KDM5A: variants seen among roughly 807,000 people sequenced by gnomAD.
The protein encoded by KDM5A is lysine-specific demethylase 5A.
A neutral mutation model predicts 193.5 loss-of-function variants in KDM5A; 42 were observed. The observed-to-expected ratio is 0.22, with a 90% CI of 0.17 to 0.28. The LOEUF (loss-of-function observed/expected upper bound fraction) is 0.28. Among genes scored for constraint, KDM5A ranks in the 10% least tolerant of loss-of-function variants. KDM5A has a pLI of 1.00. For missense variants in KDM5A, 1,692 were observed against 2,055.1 expected (o/e 0.82, Z 3.42); for synonymous variants, 796 against 718.1 (o/e 1.11, Z -1.73).
chr12:311,312 C>G, intron 20 of KDM5A: 1 of 493,082 alleles, frequency 2.0e-6, no homozygotes, highest in Non-Finnish European at 3.7e-6. Flanking sequence ...GATATAACAA[C>G]CAGTTCAAAG....
intron 24 of KDM5A, among the ~76,000 whole-genome samples, chr12:303,555 T>G (rs576012579): frequency 1.3e-5 from 2 of 152,248 alleles, no homozygotes; most frequent in East Asian, 3.9e-4. Flanking sequence ...GAGAAATACC[T>G]AATGTGGTTG....
chr12:361,205 T>C (rs757901817), intron 5 of KDM5A, among the ~76,000 whole-genome samples: 1 of 152,074 alleles, frequency 6.6e-6, no homozygotes, highest in African/African-American at 2.4e-5. Context: ...TCCATTTTTT[T>C]TTTTCTGGAG....
chr12:318,991 C>T (rs778389051), intron 18 of KDM5A, among the ~76,000 whole-genome samples: 9 of 152,060 alleles, frequency 5.9e-5, no homozygotes, highest in Non-Finnish European at 1.2e-4. Flanking sequence ...AAGAACGGTT[C>T]GGGCAGGGCA....
At chr12:326,112 G>GT (rs372760013) in intron 14 of KDM5A, among the ~76,000 whole-genome samples, 1 of 152,200 alleles carries the variant, frequency 6.6e-6, no homozygotes, top group African/African-American at 2.4e-5. Flanking sequence ...AAGAAAAGTG[G>GT]TTTGTGAAGG....
chr12:327,527 T>C (rs943967730), intron 14 of KDM5A, among the ~76,000 whole-genome samples: 4 of 149,894 alleles, frequency 2.7e-5, no homozygotes, highest in Admixed American at 6.6e-5. Context: ...CTAGCCAACA[T>C]AGTAAAACCC....
rs779919288 is a variant in KDM5A, at chr12:354,078, C to T, written c.1027G>A (p.Glu343Lys). 8.1e-6 allele frequency: 13 copies of T among 1,613,118 alleles called. No homozygotes were observed. The highest frequency in any genetic ancestry group is 2.2e-5 in the South Asian group (2 of 91,062). The change falls in exon 8 of 28, where the codon GAG (glutamate) becomes AAG (lysine). Residue 343 changes from glutamate to lysine, a missense_variant and splice_region_variant. By Grantham distance (56) the Glu-to-Lys change is moderately conservative (BLOSUM62 1). Around this residue, in one of 11 missense-constraint regions of KDM5A, gnomAD observed 62 missense variants for 107.1 expected, o/e 0.58. Coordinates refer to ENST00000399788, the MANE Select transcript of KDM5A (RefSeq NM_001042603.3). ...GDWRCPKCVA[E>K]ECSKPREAFG... Reference sequence around the variant, plus strand: ...ATCCATAGAGGTTAGACGTGTACCTCGGCGACACATTTAGGACACCTCCAG... The same window carrying T: ...ATCCATAGAGGTTAGACGTGTACCTTGGCGACACATTTAGGACACCTCCAG...
chr12:285,412 A>G lies in KDM5A; in HGVS notation c.*44T>C, dbSNP rs1302616105. 8.5e-6 allele frequency: 13 copies of G among 1,523,198 alleles called. No individual in the cohort carries two copies. Among genetic ancestry groups the G allele is most frequent in the Middle Eastern group, 1.7e-4 (1 of 5,850 alleles). 94.4% of individuals were successfully genotyped at this position (1,523,198 alleles called of 1,614,324 possible). The stretch of plus-strand genomic sequence containing the variant: ...ACTCTACTTGATGACTAAGGTCTCA[A>G]TGTGGTCCATGTCCCCCCATGTCCC... On this transcript the variant is annotated 3_prime_UTR_variant, in exon 28 of 28. Transcript: ENST00000399788.
intron 3 of KDM5A, among the ~76,000 whole-genome samples, chr12:379,297 C>T (rs747064684): frequency 6.6e-6 from 1 of 152,120 alleles, no homozygotes; most frequent in Non-Finnish European, 1.5e-5. Flanking sequence ...TCAGCCCAAG[C>T]CTCTTGCTAG....
chr12:294,721 A>T (rs1565524054), intron 26 of KDM5A, among the ~76,000 whole-genome samples: 1 of 152,228 alleles, frequency 6.6e-6, no homozygotes, highest in Non-Finnish European at 1.5e-5. Flanking sequence ...TACTCATGAA[A>T]ATGAATGAAA....
At chr12:310,247 T>C (rs894766475) in intron 21 of KDM5A, among the ~76,000 whole-genome samples, 26 of 152,280 alleles carry the variant, frequency 1.7e-4, no homozygotes, top group Middle Eastern at 6.8e-3. Flanking sequence ...AGGATCTCAT[T>C]CCAAAGCCTT....
chr12:352,356 C>G (rs767055407), intron 8 of KDM5A, 32 bp from the exon 9 acceptor site: 2 of 1,602,450 alleles, frequency 1.2e-6, no homozygotes, highest in Non-Finnish European at 1.7e-6. Context: ...GATTAACTTA[C>G]TGAAACTAAA....
rs145524467 is a variant in KDM5A at position 365,993 on chromosome 12, A to C, written c.478T>G (p.Ser160Ala). 2 of 1,614,008 alleles carry C rather than the reference A, an allele frequency of 1.2e-6. No homozygotes were observed. The highest frequency in any genetic ancestry group is 2.7e-5 in the African/African-American group (2 of 75,044). The change falls in exon 4 of 28, where the codon TCA becomes GCA. Residue 160 changes from serine to alanine, a missense_variant. Ser to Ala is a moderately conservative substitution (Grantham distance 99). Around this residue, in one of 11 missense-constraint regions of KDM5A, gnomAD observed 120 missense variants for 172.0 expected, o/e 0.70. Transcript: ENST00000399788. The part of the protein sequence containing the change: ...PGKGTGSLLK[S>A]HYERILYPYE... The stretch of plus-strand genomic sequence containing the variant: ...GGGTAGAGAATTCTTTCATAATGTG[A>C]CTTCAAAAGAGACCCAGTTCCTTTT...
intron 3 of KDM5A, among the ~76,000 whole-genome samples, chr12:367,098 T>G (rs571673098): frequency 6.6e-6 from 1 of 152,332 alleles, no homozygotes; most frequent in South Asian, 2.1e-4. Flanking sequence ...TGCACAATAA[T>G]GAAATCCTCA....
chr12:344,360 G>A (rs1944043872), intron 10 of KDM5A, among the ~76,000 whole-genome samples: 2 of 152,188 alleles, frequency 1.3e-5, no homozygotes, highest in African/African-American at 4.8e-5. Context: ...TTATCCAGGA[G>A]AACTTCCCCA....
Position 389,225 on chromosome 12 carries a change from G to T in KDM5A, c.-134C>A. On this transcript the variant is annotated 5_prime_UTR_variant, in exon 1 of 28. In the 5' UTR this introduces an upstream ATG that the reference lacks. Coordinates refer to ENST00000399788, the MANE Select transcript of KDM5A (RefSeq NM_001042603.3). ...TCGCGGACAAGAACCGTTCAACACA[G>T]AAACCCCAGAATCGCTTCCTCCTCC... 1 of 857,026 alleles carries T rather than the reference G, an allele frequency of 1.2e-6. No individual in the cohort carries two copies. 53.1% of individuals were successfully genotyped at this position (857,026 alleles called of 1,614,324 possible).
rs759810566 is a variant in KDM5A at position 384,046 on chromosome 12, C to A, written c.351G>T (p.Leu117=). The A allele has an allele frequency of 6.2e-7, 1 of 1,613,970 alleles. No individual in the cohort carries two copies. The highest frequency in any genetic ancestry group is 8.5e-7 in the Non-Finnish European group (1 of 1,179,858). The change falls in exon 3 of 28, where the codon CTG becomes CTT. Residue 117 remains leucine, a synonymous_variant. Transcript: ENST00000399788. ...TGAGCCTCACCTTGCTCAAAGCATACAGATCCAGGATTTTTCTCTCTACCA... is the reference window on the plus strand; with the variant it reads ...TGAGCCTCACCTTGCTCAAAGCATAAAGATCCAGGATTTTTCTCTCTACCA... The part of the protein sequence containing the change: ...IPVVERKILD[L]YALSKIVASK...
intron 24 of KDM5A, among the ~76,000 whole-genome samples, chr12:301,576 T>C (rs1943441555): frequency 6.6e-6 from 1 of 152,232 alleles, no homozygotes; most frequent in Non-Finnish European, 1.5e-5. Flanking sequence ...AATATCATAC[T>C]GAATGGGTAA....
intron 27 of KDM5A, among the ~76,000 whole-genome samples, chr12:287,959 A>G (rs1591894195): frequency 6.6e-6 from 1 of 152,318 alleles, no homozygotes; most frequent in East Asian, 1.9e-4. Flanking sequence ...TCCCTTCCTA[A>G]GCCCAGATCT....
intron 3 of KDM5A, among the ~76,000 whole-genome samples, chr12:381,131 A>G (rs1272215443): frequency 6.6e-6 from 1 of 152,090 alleles, no homozygotes; most frequent in African/African-American, 2.4e-5. Context: ...AGTAGCTGAG[A>G]TTACAGGCAT....
Sources: gnomAD v4.1 joint callset for allele counts (sites outside exome capture counted in the v4.1 genomes callset) on GRCh38, gnomAD v4.1.1 for gene constraint, gnomAD v4.1.1 regional missense constraint, MANE v1.5 for transcripts, NCBI Gene and HGNC (gene_info 2026-07-23, HGNC 2026-07-21) for gene names.